The following CNBD1 variants were observed in gnomAD, a reference collection of about 807,000 sequenced individuals.
CNBD1 encodes the protein cyclic nucleotide binding domain containing 1.
Under a neutral mutation model 54.4 loss-of-function variants are expected in CNBD1, and 71 were observed. The ratio of observed to expected loss-of-function variants is 1.30; its 90% CI spans 1.08 to 1.59. The LOEUF (loss-of-function observed/expected upper bound fraction) is 1.59, where lower values mean the gene tolerates loss of function less well. Among genes scored for constraint, CNBD1 ranks in the 40% most tolerant of loss-of-function variants. The probability of loss-of-function intolerance (pLI) is 0.00; values close to 1 mark genes in which losing one functional copy is unlikely to be tolerated. For synonymous variants in CNBD1, 182 were observed against 170.7 expected, an observed-to-expected ratio of 1.07 and a Z score of -0.51; for missense variants, 659 against 518.0, an observed-to-expected ratio of 1.27 and a Z score of -2.64.
chr8:87,206,808 G>A (rs1813985054), intron 5 of CNBD1, among the ~76,000 whole-genome samples: 1 of 152,092 alleles, frequency 6.6e-6, no homozygotes, highest in Non-Finnish European at 1.5e-5. Context: ...ATAAATGAAG[G>A]AAGATATTGC....
chr8:87,178,097 T>A (rs1019161092), intron 4 of CNBD1, among the ~76,000 whole-genome samples: 1 of 152,178 alleles, frequency 6.6e-6, no homozygotes, highest in Admixed American at 6.5e-5. Context: ...ATTCCTTCAA[T>A]AAAAATCTAT....
At chr8:87,350,931 T>C (rs1342677547) in intron 8 of CNBD1, among the ~76,000 whole-genome samples, 1 of 152,184 alleles carries the variant, frequency 6.6e-6, no homozygotes, top group Non-Finnish European at 1.5e-5. Flanking sequence ...CCTTCAAATG[T>C]ATCTTGGCCT....
chr8:87,386,499 G>C (rs1440342943), downstream of CNBD1, among the ~76,000 whole-genome samples: 1 of 152,138 alleles, frequency 6.6e-6, no homozygotes, highest in East Asian at 1.9e-4. Context: ...CGATCAACTG[G>C]AAGAATGGGT....
At chr8:87,039,514 ACTG>A (rs1417059808) in intron 4 of CNBD1, among the ~76,000 whole-genome samples, 14 of 152,138 alleles carry the variant, frequency 9.2e-5, no homozygotes, top group East Asian at 1.9e-4. Flanking sequence ...TTTCTAAGAA[ACTG>A]CTTTTTGGTT....
At chr8:87,257,782 C>G (rs111399932) in intron 6 of CNBD1, among the ~76,000 whole-genome samples, 2 of 152,038 alleles carry the variant, frequency 1.3e-5, no homozygotes. Context: ...AATTGTACAC[C>G]TAAACAATTT....
At chr8:86,911,535 TAATC>T (rs572294790) in intron 3 of CNBD1, among the ~76,000 whole-genome samples, 303 of 152,346 alleles carry the variant, frequency 2.0e-3, no homozygotes, top group African/African-American at 6.9e-3. Context: ...TTGTGTATAA[TAATC>T]AAATCATGGT....
At chr8:87,215,632 T>G (rs1814194043) in intron 5 of CNBD1, among the ~76,000 whole-genome samples, 1 of 151,882 alleles carries the variant, frequency 6.6e-6, no homozygotes, top group African/African-American at 2.4e-5. Flanking sequence ...GATAAAAGTA[T>G]TCTAACGTTA....
At chr8:86,926,518 T>C (rs900724815) in intron 3 of CNBD1, among the ~76,000 whole-genome samples, 1 of 152,128 alleles carries the variant, frequency 6.6e-6, no homozygotes, top group Non-Finnish European at 1.5e-5. Context: ...TCATGGGACC[T>C]AGAAAGGGGA....
intron 4 of CNBD1, among the ~76,000 whole-genome samples, chr8:86,993,437 C>T (rs918539019): frequency 2.0e-5 from 3 of 152,040 alleles, no homozygotes; most frequent in Non-Finnish European, 1.5e-5. Context: ...CTTCCTGATT[C>T]TGAATTCTAT....
intron 4 of CNBD1, among the ~76,000 whole-genome samples, chr8:87,197,970 G>A (rs1813756245): frequency 6.6e-6 from 1 of 152,166 alleles, no homozygotes; most frequent in Non-Finnish European, 1.5e-5. Context: ...AATGTTGAGT[G>A]CAGGACTTTG....
chr8:87,042,618 A>G (rs928094476), intron 4 of CNBD1, among the ~76,000 whole-genome samples: 1 of 152,162 alleles, frequency 6.6e-6, no homozygotes, highest in Admixed American at 6.5e-5. Flanking sequence ...CCCCTTTTGG[A>G]GAGTTTTCTG....
intron 8 of CNBD1, among the ~76,000 whole-genome samples, chr8:87,320,736 A>G (rs893596981): frequency 6.6e-6 from 1 of 151,952 alleles, no homozygotes; most frequent in Non-Finnish European, 1.5e-5. Context: ...AAAACATGAG[A>G]CCTATCCTAA....
chr8:87,013,082 A>T (rs1472992845), intron 4 of CNBD1, among the ~76,000 whole-genome samples: 2 of 152,136 alleles, frequency 1.3e-5, no homozygotes, highest in Non-Finnish European at 2.9e-5. Flanking sequence ...AAGACTCAAG[A>T]CCCCAAAGGA....
Position 87,252,307 on chromosome 8 carries a change from A to G in CNBD1, c.771+15195A>G, listed in dbSNP as rs374363320. ...AAAATTTGTTGACAATTGAATATCA[A>G]ACAATGATAATTGACTCTCAATATT... is the stretch of plus-strand genomic sequence containing the variant. On this transcript the variant is annotated intron_variant, in intron 6 of 10. Coordinates refer to ENST00000518476, the MANE Select transcript of CNBD1 (RefSeq NM_173538.3). Among the ~76,000 whole-genome samples the G allele has an allele frequency of 7.6e-4, 116 of 152,332 alleles. 1 individual carries two copies. The highest frequency in any genetic ancestry group is 2.7e-3 in the African/African-American group (112 of 41,570).
chr8:87,350,770 C>T (rs1212340318), intron 8 of CNBD1, among the ~76,000 whole-genome samples: 1 of 151,798 alleles, frequency 6.6e-6, no homozygotes, highest in East Asian at 1.9e-4. Flanking sequence ...TGATATGTTT[C>T]AGATTTCATA....
chr8:86,949,826 A>G (rs1360075348), intron 4 of CNBD1, among the ~76,000 whole-genome samples: 2 of 151,622 alleles, frequency 1.3e-5, no homozygotes, highest in Non-Finnish European at 2.9e-5. Flanking sequence ...TTTTTATCCC[A>G]TTCAGTATGT....
At chr8:86,987,355 T>C (rs1808632117) in intron 4 of CNBD1, among the ~76,000 whole-genome samples, 1 of 152,184 alleles carries the variant, frequency 6.6e-6, no homozygotes. Context: ...TGTAGACTGA[T>C]TTTGTATCCT....
chr8:86,867,595 G>A (rs35023253), intron 1 of CNBD1, among the ~76,000 whole-genome samples: 1 of 151,962 alleles, frequency 6.6e-6, no homozygotes, highest in Non-Finnish European at 1.5e-5. Flanking sequence ...AATTCCATTT[G>A]TATTATAGTG....
intron 2 of CNBD1, among the ~76,000 whole-genome samples, chr8:87,427,107 G>A (rs564656998): frequency 1.3e-5 from 2 of 152,102 alleles, no homozygotes; most frequent in South Asian, 2.1e-4. Context: ...CAAGGACCTC[G>A]CAGTTCCCCC....
Sources: allele counts gnomAD v4.1 joint callset (sites outside exome capture counted in the v4.1 genomes callset), GRCh38; gene constraint gnomAD v4.1.1; transcripts MANE v1.5; gene names NCBI Gene and HGNC (gene_info 2026-07-23, HGNC 2026-07-21).